The following STIL variants were observed in gnomAD, a reference collection of about 807,000 sequenced individuals.
STIL encodes STIL centriolar assembly protein.
Under a neutral mutation model 110.1 loss-of-function variants are expected in STIL, and 55 were observed. The observed-to-expected ratio is 0.50, with a 90% CI of 0.40 to 0.63. The LOEUF is 0.63. STIL is among the 20% of genes least tolerant of loss of function. The pLI is 0.00. For missense variants in STIL, 1,358 were observed against 1,530.0 expected, an observed-to-expected ratio of 0.89 and a Z score of 1.87; for synonymous variants, 481 against 530.0, an observed-to-expected ratio of 0.91 and a Z score of 1.27.
chr1:47,274,770 A>G (rs1003546811), intron 12 of STIL, among the ~76,000 whole-genome samples: 3 of 151,546 alleles, frequency 2.0e-5, no homozygotes, highest in African/African-American at 7.3e-5. Flanking sequence ...ATCAAATGGT[A>G]ACTAGTGGTG....
intron 16 of STIL, among the ~76,000 whole-genome samples, chr1:47,254,529 G>GT (rs144518020): frequency 0.068 from 10,140 of 149,066 alleles, 872 homozygotes; most frequent in African/African-American, 0.21. Flanking sequence ...TCTAATTTGG[G>GT]TTTTTTTTTT....
chr1:47,308,959 C>T (rs1214561046), intron 2 of STIL, among the ~76,000 whole-genome samples: 2 of 150,896 alleles, frequency 1.3e-5, no homozygotes, highest in Non-Finnish European at 2.9e-5. Context: ...GGCTGAGACA[C>T]GAGAATCACT....
In STIL at chr1:47,267,583, T is replaced by G. The variant is rs576407847; in HGVS notation, c.2615+2052A>C. Among the ~76,000 whole-genome samples the G allele has an allele frequency of 3.2e-4, 48 of 149,806 alleles. No homozygotes were observed. The South Asian group carries it at 9.4e-3, about 29-fold the overall frequency. On this transcript the variant is annotated intron_variant, in intron 14 of 16. Transcript: ENST00000371877. Reference sequence around the variant, plus strand: ...AGCCAGGTGTGGTGGCCCGTGCCTGTAGTCCCAGCTACTTGGGAGGCTGAG... The same window carrying G: ...AGCCAGGTGTGGTGGCCCGTGCCTGGAGTCCCAGCTACTTGGGAGGCTGAG...
intron 13 of STIL, among the ~76,000 whole-genome samples, chr1:47,270,249 T>A (rs1205543804): frequency 1.6e-4 from 12 of 75,196 alleles, no homozygotes; most frequent in African/African-American, 4.5e-4. Flanking sequence ...AAAATATATA[T>A]ATATATACAC....
intron 6 of STIL, among the ~76,000 whole-genome samples, chr1:47,298,480 T>C (rs1295649584): frequency 1.3e-5 from 2 of 152,140 alleles, no homozygotes; most frequent in South Asian, 2.1e-4. Context: ...CCTCAAGTAG[T>C]TGGCAATTTG....
At chr1:47,266,304 C>T (rs1418977972) in intron 14 of STIL, among the ~76,000 whole-genome samples, 1 of 152,148 alleles carries the variant, frequency 6.6e-6, no homozygotes, top group Non-Finnish European at 1.5e-5. Context: ...TATCACAAGG[C>T]TTATTAATTT....
intron 5 of STIL, among the ~76,000 whole-genome samples, chr1:47,300,372 C>T (rs1570262423): frequency 6.6e-6 from 1 of 152,130 alleles, no homozygotes; most frequent in Non-Finnish European, 1.5e-5. Context: ...CCAAGCTCCA[C>T]TACACATTTT....
chr1:47,277,416 G>A (rs945874565), intron 12 of STIL, among the ~76,000 whole-genome samples: 4 of 151,926 alleles, frequency 2.6e-5, no homozygotes, highest in Admixed American at 2.6e-4. Context: ...AAATCCACTG[G>A]AGGATTTTAA....
At chr1:47,258,506 A>G (rs2148697272) in intron 16 of STIL, among the ~76,000 whole-genome samples, 1 of 152,326 alleles carries the variant, frequency 6.6e-6, no homozygotes, top group East Asian at 1.9e-4. Context: ...GTTTAAATAC[A>G]AGAGAAAGAA....
chr1:47,278,443 T>C (rs1645052771), intron 12 of STIL, among the ~76,000 whole-genome samples: 1 of 152,144 alleles, frequency 6.6e-6, no homozygotes, highest in South Asian at 2.1e-4. Flanking sequence ...TTTCTAAATA[T>C]AATGATTCAG....
chr1:47,310,211 C>T, intron 2 of STIL, 65 bp downstream of exon 2: 1 of 1,508,982 alleles, frequency 6.6e-7, no homozygotes, highest in African/African-American at 1.4e-5. Context: ...TTTTTCTCTT[C>T]CAACCTACCT....
intron 12 of STIL, among the ~76,000 whole-genome samples, chr1:47,274,432 G>A (rs1644928005): frequency 2.0e-5 from 3 of 148,580 alleles, no homozygotes; most frequent in Admixed American, 6.8e-5. Context: ...CCGGGTCCAC[G>A]CCATTCTCCT....
chr1:47,293,210 C>G (rs560567955), intron 8 of STIL, among the ~76,000 whole-genome samples: 1 of 152,214 alleles, frequency 6.6e-6, no homozygotes, highest in East Asian at 1.9e-4. Flanking sequence ...TTTTTTTCCA[C>G]CCCCAAAAGG....
intron 1 of STIL, among the ~76,000 whole-genome samples, chr1:47,312,318 G>A (rs944835440): frequency 1.6e-4 from 24 of 151,996 alleles, no homozygotes; most frequent in Admixed American, 2.6e-4. Flanking sequence ...ATGAAACCCC[G>A]TCTCTACTAA....
chr1:47,274,537 T>A (rs1644931671), intron 12 of STIL, among the ~76,000 whole-genome samples: 1 of 146,440 alleles, frequency 6.8e-6, no homozygotes, highest in Admixed American at 6.9e-5. Context: ...CAGGATGGTC[T>A]CGATCTCTTG....
At chr1:47,253,801 C>A (rs1477489731) in intron 16 of STIL, among the ~76,000 whole-genome samples, 1 of 152,082 alleles carries the variant, frequency 6.6e-6, no homozygotes, top group Admixed American at 6.6e-5. Flanking sequence ...CATTCACAGA[C>A]CCACAAAAAT....
intron 14 of STIL, among the ~76,000 whole-genome samples, chr1:47,264,770 C>G (rs1307355613): frequency 1.3e-5 from 2 of 151,764 alleles, no homozygotes; most frequent in Non-Finnish European, 2.9e-5. Context: ...TCATAGACAA[C>G]ACTGGAGAAA....
chr1:47,251,874 G>A lies in STIL; in HGVS notation c.3129C>T (p.Cys1043=), dbSNP rs752626099. ...TCATGCCAACATTAGCAAATGACAT[G>A]CAGTTTAATCCAGAGATCACTGCTT... is the stretch of plus-strand genomic sequence containing the variant. ...SPEAVISGLN[C]MSFANVGMSG... Residue 1043 remains cysteine, a synonymous_variant, in exon 17 of 17, where the codon TGC becomes TGT. Transcript: ENST00000371877. 3.7e-6 allele frequency: 6 copies of A among 1,609,114 alleles called. No individual in the cohort carries two copies. The highest frequency in any genetic ancestry group is 1.7e-5 in the Admixed American group (1 of 59,004).
chr1:47,294,545 C>T (rs1425357379), intron 7 of STIL, among the ~76,000 whole-genome samples: 4 of 152,304 alleles, frequency 2.6e-5, no homozygotes, highest in Non-Finnish European at 4.4e-5. Flanking sequence ...CCTAGCCAGG[C>T]GTGATGGCCG....
Sources: gnomAD v4.1 joint callset for allele counts (sites outside exome capture counted in the v4.1 genomes callset) on GRCh38, gnomAD v4.1.1 for gene constraint, MANE v1.5 for transcripts, NCBI Gene and HGNC (gene_info 2026-07-23, HGNC 2026-07-21) for gene names.